Variants in SENP2 observed in about 807,000 individuals in gnomAD.
SENP2 encodes sentrin-specific protease 2.
A neutral mutation model predicts 86.3 loss-of-function variants in SENP2; 16 were observed. That is an observed-to-expected ratio of 0.19 (90% CI 0.13 to 0.28). The LOEUF (loss-of-function observed/expected upper bound fraction) is 0.28, where lower values mean the gene tolerates loss of function less well. Among genes scored for constraint, SENP2 ranks in the 10% least tolerant of loss-of-function variants. The pLI, the probability that SENP2 is intolerant of heterozygous loss-of-function variation, is 1.00. For synonymous variants in SENP2, 222 were observed against 238.7 expected, an observed-to-expected ratio of 0.93 and a Z score of 0.64; for missense variants, 552 against 703.0, an observed-to-expected ratio of 0.79 and a Z score of 2.43.
intron 16 of SENP2, among the ~76,000 whole-genome samples, chr3:185,627,634 A>G (rs1196014327): frequency 6.6e-6 from 1 of 152,026 alleles, no homozygotes; most frequent in Non-Finnish European, 1.5e-5. Context: ...GCTGGTCTCG[A>G]ACTCCTGACC....
chr3:185,595,902 A>G (rs970884444), intron 2 of SENP2, among the ~76,000 whole-genome samples: 1 of 151,170 alleles, frequency 6.6e-6, no homozygotes, highest in African/African-American at 2.4e-5. Context: ...CCGGGTTCCA[A>G]CGATTCTTCT....
chr3:185,603,520 G>C (rs1435987207), intron 5 of SENP2, among the ~76,000 whole-genome samples: 1 of 152,194 alleles, frequency 6.6e-6, no homozygotes, highest in Non-Finnish European at 1.5e-5. Flanking sequence ...AAGATACCTG[G>C]TAACTAAATG....
intron 2 of SENP2, among the ~76,000 whole-genome samples, chr3:185,593,337 T>G (rs1030702132): frequency 1.1e-4 from 16 of 152,126 alleles, no homozygotes; most frequent in African/African-American, 3.9e-4. Flanking sequence ...CTCGAACTCC[T>G]GGGCTTAATT....
At position 185,632,615 on chromosome 3, in the gene SENP2, C is replaced by T. The variant is rs953145978; in HGVS notation, c.*2771C>T. ...TCTCAGCTCACTGCAACCCCCACCT[C>T]CCAGGTTCAAGCGATTCTCCTGCCT... On this transcript the variant is annotated 3_prime_UTR_variant, in exon 17 of 17. Coordinates refer to ENST00000296257, the MANE Select transcript of SENP2 (RefSeq NM_021627.3). 2.0e-5 allele frequency: 3 copies of T among 152,564 alleles called. No homozygotes were observed. Among genetic ancestry groups the T allele is most frequent in the African/African-American group, 7.3e-5 (3 of 41,356 alleles). The allele number at this position is 152,564 out of a possible 1,614,324, so 9.5% of individuals were successfully genotyped here. A position where few individuals can be genotyped will look rare whatever the true frequency, so the allele number is the denominator to read the frequency against.
chr3:185,612,405 A>T, intron 8 of SENP2: 1 of 490,020 alleles, frequency 2.0e-6, no homozygotes, highest in Non-Finnish European at 3.7e-6. Flanking sequence ...GTTTATAGTA[A>T]AGATTATATT....
chr3:185,607,806 G>A (rs1224895782), intron 6 of SENP2, among the ~76,000 whole-genome samples: 2 of 152,168 alleles, frequency 1.3e-5, no homozygotes, highest in Non-Finnish European at 1.5e-5. Flanking sequence ...GATTACAGGC[G>A]TGAGCCACCG....
intron 12 of SENP2, 106 bp downstream of exon 12, chr3:185,617,717 T>C: frequency 1.2e-6 from 1 of 862,386 alleles, no homozygotes; most frequent in East Asian, 2.8e-5. Context: ...AATGCAACTC[T>C]TAGTTATAAT....
chr3:185,587,492 C>T (rs1002827880), intron 1 of SENP2, among the ~76,000 whole-genome samples: 1 of 151,980 alleles, frequency 6.6e-6, no homozygotes, highest in African/African-American at 2.4e-5. Context: ...TTGTATCGAC[C>T]TCCTTACCTA....
chr3:185,618,596 C>T (rs571272031), intron 12 of SENP2, among the ~76,000 whole-genome samples: 5 of 152,152 alleles, frequency 3.3e-5, no homozygotes, highest in South Asian at 2.1e-4. Flanking sequence ...TACCACCACT[C>T]GGCCGGGCGC....
intron 16 of SENP2, among the ~76,000 whole-genome samples, chr3:185,628,553 C>A (rs1257790815): frequency 6.6e-6 from 1 of 152,218 alleles, no homozygotes; most frequent in Non-Finnish European, 1.5e-5. Context: ...GTTGCCCAGG[C>A]TGGAGTGCAA....
chr3:185,611,570 A>T, intron 7 of SENP2, 81 bp from the exon 8 acceptor site: 1 of 829,500 alleles, frequency 1.2e-6, no homozygotes, highest in Non-Finnish European at 2.0e-6. Context: ...TATTTGGAGA[A>T]GCTTGCTGGA....
chr3:185,591,933 G>C lies in SENP2; in HGVS notation c.157+1764G>C, dbSNP rs567478902. 1.7e-4 allele frequency among the ~76,000 whole-genome samples: 25 copies of C among 148,388 alleles called. No individual in the cohort carries two copies. The South Asian group carries it at 5.3e-3, about 31-fold the overall frequency. On this transcript the variant is annotated intron_variant, in intron 2 of 16. Coordinates refer to ENST00000296257, the MANE Select transcript of SENP2 (RefSeq NM_021627.3). ...ATTTTTTTTGTAGAAACAGGGTCTT[G>C]CCACATTGTCCAGGCTGAAAATAGG... is the stretch of plus-strand genomic sequence containing the variant.
At chr3:185,616,299 C>T (rs1365807483) in intron 11 of SENP2, among the ~76,000 whole-genome samples, 1 of 149,734 alleles carries the variant, frequency 6.7e-6, no homozygotes, top group Non-Finnish European at 1.5e-5. Flanking sequence ...GGTGAAACCC[C>T]GTCTCTACCA....
chr3:185,631,007 AC>A lies in SENP2; in HGVS notation c.*1164del, dbSNP rs776486266. ...CTTACTGATATGGTTATAACTTCAG[AC>A]AGTTTAGAGTTGGTCAGAACATATT... On this transcript the variant is annotated 3_prime_UTR_variant, in exon 17 of 17. Transcript: ENST00000296257. The A allele has an allele frequency of 1.6e-4, 25 of 152,184 alleles. No individual in the cohort carries two copies. The highest frequency in any genetic ancestry group is 2.8e-4 in the Non-Finnish European group (19 of 68,026). The allele number at this position is 152,184 out of a possible 1,614,324, so 9.4% of individuals were successfully genotyped here.
chr3:185,590,178 T>C lies in SENP2; in HGVS notation c.157+9T>C. On this transcript the variant is annotated intron_variant, in intron 2 of 16. Coordinates refer to ENST00000296257, the MANE Select transcript of SENP2 (RefSeq NM_021627.3). The stretch of plus-strand genomic sequence containing the variant: ...CAAAAGACCAAGATTAGGTACTGAA[T>C]ATAAATTTTAAAAATTTTTAGTTTT... 1 of 1,489,552 alleles carries C rather than the reference T, an allele frequency of 6.7e-7. No homozygotes were observed. The highest frequency in any genetic ancestry group is 9.1e-7 in the Non-Finnish European group (1 of 1,100,714). 92.3% of individuals were successfully genotyped at this position (1,489,552 alleles called of 1,614,324 possible). A position where few individuals can be genotyped will look rare whatever the true frequency, so the allele number is the denominator to read the frequency against.
intron 7 of SENP2, among the ~76,000 whole-genome samples, 196 bp downstream of exon 7, chr3:185,609,546 T>G (rs1722618413): frequency 6.6e-6 from 1 of 152,196 alleles, no homozygotes; most frequent in African/African-American, 2.4e-5. Context: ...TTATGTTACC[T>G]TTAGGACCTT....
intron 15 of SENP2, 137 bp from the exon 16 acceptor site, chr3:185,626,161 A>C (rs1712136029): frequency 1.7e-6 from 1 of 605,560 alleles, no homozygotes; most frequent in Non-Finnish European, 2.9e-6. Flanking sequence ...TTTGTATATG[A>C]CTGTGTGTTT....
chr3:185,612,580 T>G, intron 8 of SENP2, 27 bp from the exon 9 acceptor site: 1 of 1,545,040 alleles, frequency 6.5e-7, no homozygotes. Context: ...AAGGAAACAT[T>G]TAATCTTTTC....
At chr3:185,596,958 A>C (rs1275258197) in intron 2 of SENP2, among the ~76,000 whole-genome samples, 1 of 152,106 alleles carries the variant, frequency 6.6e-6, no homozygotes, top group Non-Finnish European at 1.5e-5. Flanking sequence ...GGTTCAAGCA[A>C]TTCTCCTGCC....
Sources: gnomAD v4.1 joint callset for allele counts (sites outside exome capture counted in the v4.1 genomes callset) on GRCh38, gnomAD v4.1.1 for gene constraint, MANE v1.5 for transcripts, NCBI Gene and HGNC (gene_info 2026-07-23, HGNC 2026-07-21) for gene names.